SPATA20: variants seen among roughly 807,000 people sequenced by gnomAD.
SPATA20 encodes the protein spermatogenesis associated 20, also known as spermatogenesis-associated protein 20.
A neutral mutation model predicts 98.9 loss-of-function variants in SPATA20; 74 were observed. That is an observed-to-expected ratio of 0.75 (90% CI 0.62 to 0.91). The LOEUF (loss-of-function observed/expected upper bound fraction) is 0.91, where lower values mean the gene tolerates loss of function less well. Among genes scored for constraint, SPATA20 ranks in the 40% least tolerant of loss-of-function variants. The pLI is 0.00. For synonymous variants in SPATA20, 430 were observed against 440.5 expected (o/e 0.98, Z 0.30); for missense variants, 1,016 against 1,069.8 (o/e 0.95, Z 0.70).
Position 50,554,117 on chromosome 17 carries a change from C to T in SPATA20, c.1958-134C>T, listed in dbSNP as rs567878609. The T allele has an allele frequency of 7.7e-4, 574 of 743,214 alleles. 10 individuals are homozygous for T. In the South Asian group the frequency reaches 8.9e-3, roughly 11 times the overall value. 46.0% of individuals were successfully genotyped at this position (743,214 alleles called of 1,614,324 possible). A position where few individuals can be genotyped will look rare whatever the true frequency, so the allele number is the denominator to read the frequency against. ...GCTGGAGTGGCATCCACACCCAGAG[C>T]GGGGAAGGGGCAGGATGGGCAGGGC... On this transcript the variant is annotated intron_variant, in intron 14 of 16. Transcript: ENST00000006658.
intron 14 of SPATA20, 97 bp from the exon 15 acceptor site, chr17:50,554,154 C>T: frequency 9.0e-7 from 1 of 1,113,512 alleles, no homozygotes. Flanking sequence ...TTTTCTCTGT[C>T]CCGTCCCCCA....
intron 14 of SPATA20, among the ~76,000 whole-genome samples, chr17:50,553,781 AGTTAGGAGGCCATTACTC>A (rs1381819369): frequency 2.6e-5 from 4 of 152,106 alleles, no homozygotes; most frequent in African/African-American, 9.7e-5. Flanking sequence ...ACAGGCGACC[AGTTAGGAGGCCATTACTC>A]GTGTTCAGTC....
chr17:50,555,769 G>T lies in SPATA20; in HGVS notation c.*107G>T. On this transcript the variant is annotated 3_prime_UTR_variant, in exon 17 of 17. Coordinates refer to ENST00000006658, the MANE Select transcript of SPATA20 (RefSeq NM_022827.4). ...ACCTGTGGCCATCCCTGAGCACCCT[G>T]CCACCAGGTGACCTCGGCCATACTC... The T allele has an allele frequency of 1.0e-6, 1 of 994,970 alleles. No homozygotes were observed. Among genetic ancestry groups the T allele is most frequent in the Non-Finnish European group, 1.5e-6 (1 of 688,190 alleles). The allele number at this position is 994,970 out of a possible 1,614,324, so 61.6% of individuals were successfully genotyped here.
chr17:50,548,753 C>T, intron 4 of SPATA20, 57 bp from the exon 5 acceptor site: 2 of 1,594,884 alleles, frequency 1.3e-6, no homozygotes, highest in East Asian at 2.2e-5. Flanking sequence ...GGCCACTTGG[C>T]CAGCCTCCCT....
chr17:50,555,203 C>T (rs769174710), intron 15 of SPATA20, 29 bp from the exon 16 acceptor site: 7 of 1,600,598 alleles, frequency 4.4e-6, no homozygotes, highest in South Asian at 2.2e-5. Context: ...TCCCCTGACA[C>T]ACCGGAGTGA....
At position 50,549,460 on chromosome 17, in the gene SPATA20, G is replaced by T; in HGVS notation, c.835G>T (p.Ala279Ser). 1 of 1,612,158 alleles carries T rather than the reference G, an allele frequency of 6.2e-7. No homozygotes were observed. Among genetic ancestry groups the T allele is most frequent in the Non-Finnish European group, 8.5e-7 (1 of 1,179,918 alleles). Residue 279 changes from alanine (A) to serine (S), a missense_variant, in exon 7 of 17, where the codon GCT becomes TCT. Transcript: ENST00000006658. The stretch of plus-strand genomic sequence containing the variant: ...CTATGATGAGGAATACGGTGGCTTC[G>T]CTGAGGCCCCCAAGTTTCCCACGCC... ...EGYDEEYGGF[A>S]EAPKFPTPVI... is the part of the protein sequence containing the mutation.
intron 7 of SPATA20, among the ~76,000 whole-genome samples, 177 bp from the exon 8 acceptor site, chr17:50,549,808 C>T (rs867710169): frequency 6.6e-6 from 1 of 152,216 alleles, no homozygotes; most frequent in African/African-American, 2.4e-5. Flanking sequence ...ATATTCTGAC[C>T]TCTGGCTTAG....
chr17:50,553,036 G>A (rs370288390), intron 14 of SPATA20, among the ~76,000 whole-genome samples: 12 of 152,324 alleles, frequency 7.9e-5, no homozygotes, highest in African/African-American at 2.9e-4. Context: ...GGGAGACAGC[G>A]AAAATGCAGT....
intron 12 of SPATA20, 141 bp downstream of exon 12, chr17:50,551,331 G>T: frequency 8.5e-7 from 1 of 1,170,852 alleles, no homozygotes; most frequent in Admixed American, 2.7e-5. Context: ...TAAGGAGCTT[G>T]AGTAACCCGC....
At chr17:50,547,887 T>G (rs1422293048) in intron 2 of SPATA20, 120 bp downstream of exon 2, 8 of 1,284,208 alleles carry the variant, frequency 6.2e-6, no homozygotes, top group Non-Finnish European at 7.7e-6. Flanking sequence ...TGCCTTCCAG[T>G]GGGGCCACAC....
At chr17:50,550,441 T>C in intron 9 of SPATA20, 95 bp from the exon 10 acceptor site, 2 of 1,413,812 alleles carry the variant, frequency 1.4e-6, no homozygotes, top group Non-Finnish European at 2.0e-6. Flanking sequence ...TACCCAGGCT[T>C]CCCTCCCCCG....
chr17:50,550,762 C>A lies in SPATA20; in HGVS notation c.1228C>A (p.Arg410=), dbSNP rs75086184. The A allele has an allele frequency of 1.2e-6, 2 of 1,613,064 alleles. No individual in the cohort carries two copies. The highest frequency in any genetic ancestry group is 8.5e-7 in the Non-Finnish European group (1 of 1,180,028). ...DADSPPERGQ[R]PKEGAYYVWT... ...AGACTCGCCCCCAGAGCGGGGCCAG[C>A]GGCCCAAAGAGGGCGCCTACTATGT... Residue 410 remains arginine (R), a synonymous_variant, in exon 11 of 17, where the codon CGG becomes AGG. Transcript: ENST00000006658.
rs759862493 is a variant in SPATA20, at chr17:50,555,569, G to A, written c.2316G>A (p.Leu772=). 37 of 1,613,954 alleles carry A rather than the reference G, an allele frequency of 2.3e-5. No homozygotes were observed. In the South Asian group the frequency reaches 3.8e-4, roughly 17 times the overall value. The part of the protein sequence containing the change: ...QLPFLSTLRR[L]EDQATAYVCE... ...CTTTCCTGAGTACCCTCCGACGGTT[G>A]GAAGACCAGGCCACTGCATATGTGT... is the stretch of plus-strand genomic sequence containing the variant. The change falls in exon 17 of 17, where the codon TTG becomes TTA. Residue 772 remains leucine (L), a synonymous_variant. Transcript: ENST00000006658.
Position 50,555,443 on chromosome 17 carries a change from G to T in SPATA20, c.2239-49G>T, listed in dbSNP as rs543534915. ...TCCCAGTGGGCCTTTCTAATGGGCA[G>T]GTGACCCCACCCCGGCAGGTGACTC... is the stretch of plus-strand genomic sequence containing the variant. On this transcript the variant is annotated intron_variant, in intron 16 of 16. Coordinates refer to ENST00000006658, the MANE Select transcript of SPATA20 (RefSeq NM_022827.4). 1.9e-6 allele frequency: 3 copies of T among 1,609,804 alleles called. No individual in the cohort carries two copies. In the South Asian group the frequency reaches 3.3e-5, roughly 18 times the overall value.
In SPATA20 at chr17:50,550,725, C is replaced by T. The variant is rs763164976; in HGVS notation, c.1191C>T (p.Ser397=). The T allele has an allele frequency of 1.5e-5, 25 of 1,613,194 alleles. No individual in the cohort carries two copies. The highest frequency in any genetic ancestry group is 1.6e-4 in the Middle Eastern group (1 of 6,084). ...CCCCACAGTCCGGAGGCTTCTATAG[C>T]GCAGAAGATGCAGACTCGCCCCCAG... The part of the protein sequence containing the change: ...SLSHRSGGFY[S]AEDADSPPER... The change falls in exon 11 of 17, where the codon AGC becomes AGT. Residue 397 remains serine (S), a synonymous_variant. Transcript: ENST00000006658.
chr17:50,550,506 G>C (rs778998861), intron 9 of SPATA20, 30 bp from the exon 10 acceptor site: 2 of 1,596,566 alleles, frequency 1.3e-6, no homozygotes, highest in Non-Finnish European at 1.7e-6. Context: ...TGACCTCTCT[G>C]TTCACAGTCT....
Position 50,548,336 on chromosome 17 carries a change from C to T in SPATA20, c.179C>T (p.Pro60Leu). ...AGTGCGACGGTCAGTAGTTCAGTGC[C>T]CATGCCTGCTGGAGGGAAAGGAAGC... ...DRSATVSSSV[P>L]MPAGGKGSHP... Residue 60 changes from proline to leucine, a missense_variant, in exon 3 of 17, where the codon CCC becomes CTC. Coordinates refer to ENST00000006658, the MANE Select transcript of SPATA20 (RefSeq NM_022827.4). The T allele has an allele frequency of 1.2e-6, 2 of 1,613,930 alleles. No homozygotes were observed. The highest frequency in any genetic ancestry group is 2.2e-5 in the South Asian group (2 of 91,086).
rs760961818 is a variant in SPATA20, at chr17:50,550,992, C to A, written c.1384-6C>A. 9 of 1,613,044 alleles carry A rather than the reference C, an allele frequency of 5.6e-6. No homozygotes were observed. Among genetic ancestry groups the A allele is most frequent in the African/African-American group, 1.3e-5 (1 of 74,946 alleles). Reference sequence around the variant, plus strand: ...TGAGCTCGCAGACAAAGGCCATTCTCCTCAGGACCCCAAGGGGGAGCTGCA... The same window carrying A: ...TGAGCTCGCAGACAAAGGCCATTCTACTCAGGACCCCAAGGGGGAGCTGCA... On this transcript the variant is annotated splice_polypyrimidine_tract_variant and splice_region_variant and intron_variant, in intron 11 of 16. Transcript: ENST00000006658.
At chr17:50,552,566 T>TC (rs1288827911) in intron 14 of SPATA20, among the ~76,000 whole-genome samples, 2 of 52,476 alleles carry the variant, frequency 3.8e-5, no homozygotes, top group Admixed American at 4.1e-4. Flanking sequence ...TTTCTTTCTC[T>TC]TTTTTTTTTT....
Sources: gnomAD v4.1 joint callset for allele counts (sites outside exome capture counted in the v4.1 genomes callset) on GRCh38, gnomAD v4.1.1 for gene constraint, MANE v1.5 for transcripts, NCBI Gene and HGNC (gene_info 2026-07-23, HGNC 2026-07-21) for gene names.